PDE4D: variants seen among roughly 807,000 people sequenced by gnomAD.
The protein encoded by PDE4D is phosphodiesterase 4D.
PDE4D carries 24 observed loss-of-function variants against 87.4 expected under a neutral mutation model. The ratio of observed to expected loss-of-function variants is 0.27; its 90% CI spans 0.20 to 0.39. The LOEUF (loss-of-function observed/expected upper bound fraction) is 0.39, where lower values mean the gene tolerates loss of function less well. Ranked by LOEUF, PDE4D falls within the 10% of genes least tolerant of loss-of-function variation. The pLI is 1.00. For missense variants in PDE4D, 714 were observed against 1,041.0 expected, an observed-to-expected ratio of 0.69 and a Z score of 4.32; for synonymous variants, 384 against 383.2, an observed-to-expected ratio of 1.00 and a Z score of -0.02.
chr5:59,860,443 A>G (rs1042850117), intron 1 of PDE4D, among the ~76,000 whole-genome samples: 2 of 152,188 alleles, frequency 1.3e-5, no homozygotes, highest in Non-Finnish European at 2.9e-5. Context: ...TTTTCTAAAT[A>G]TATTATACAA....
intron 1 of PDE4D, among the ~76,000 whole-genome samples, chr5:60,189,187 T>C (rs1382673097): frequency 6.6e-6 from 1 of 152,138 alleles, no homozygotes; most frequent in African/African-American, 2.4e-5. Flanking sequence ...GGAGAACACT[T>C]TAGAAATAAA....
intron 2 of PDE4D, among the ~76,000 whole-genome samples, chr5:59,200,896 A>G (rs559071812): frequency 1.8e-4 from 28 of 152,134 alleles, no homozygotes; most frequent in Non-Finnish European, 3.5e-4. Context: ...TATGGACTAC[A>G]TACTTCCTTA....
At chr5:60,031,410 A>G (rs1272740226) in intron 2 of PDE4D, among the ~76,000 whole-genome samples, 1 of 152,372 alleles carries the variant, frequency 6.6e-6, no homozygotes, top group East Asian at 1.9e-4. Context: ...GAGTAAATCA[A>G]AACAAAAGCC....
chr5:59,846,905 T>C (rs904381626), intron 1 of PDE4D, among the ~76,000 whole-genome samples: 1 of 152,038 alleles, frequency 6.6e-6, no homozygotes, highest in Non-Finnish European at 1.5e-5. Flanking sequence ...ACTCCCTCGA[T>C]TTTTTAAAAA....
chr5:59,880,931 T>A (rs1365943588), intron 1 of PDE4D, among the ~76,000 whole-genome samples: 1 of 152,208 alleles, frequency 6.6e-6, no homozygotes, highest in Non-Finnish European at 1.5e-5. Flanking sequence ...TATAAAATAT[T>A]CCATGTCAAC....
intron 1 of PDE4D, among the ~76,000 whole-genome samples, chr5:59,232,951 T>G (rs559775049): frequency 2.4e-4 from 37 of 151,926 alleles, no homozygotes; most frequent in African/African-American, 8.0e-4. Flanking sequence ...GAAACACAAA[T>G]ATGGCATGTT....
At chr5:59,664,561 C>T (rs773462321) in intron 1 of PDE4D, among the ~76,000 whole-genome samples, 31 of 152,178 alleles carry the variant, frequency 2.0e-4, no homozygotes, top group Non-Finnish European at 4.3e-4. Context: ...AGGCAAATCC[C>T]AGACTCATTC....
At chr5:59,116,758 G>A (rs1183432269) in intron 5 of PDE4D, among the ~76,000 whole-genome samples, 2 of 152,172 alleles carry the variant, frequency 1.3e-5, no homozygotes, top group Non-Finnish European at 2.9e-5. Context: ...ATTGCAGGCA[G>A]AACAAGGAAT....
intron 6 of PDE4D, among the ~76,000 whole-genome samples, chr5:59,008,089 A>G (rs1751993973): frequency 6.6e-6 from 1 of 152,094 alleles, no homozygotes; most frequent in African/African-American, 2.4e-5. Flanking sequence ...CAATTTACCT[A>G]AAACCAGCAG....
intron 1 of PDE4D, among the ~76,000 whole-genome samples, chr5:60,218,354 G>A (rs978578679): frequency 6.6e-6 from 1 of 151,888 alleles, no homozygotes; most frequent in Non-Finnish European, 1.5e-5. Context: ...CTAAATGGAG[G>A]AAAATTAACT....
chr5:58,993,611 C>G, intron 6 of PDE4D, 146 bp from the exon 7 acceptor site: 1 of 534,958 alleles, frequency 1.9e-6, no homozygotes, highest in South Asian at 3.1e-5. Flanking sequence ...GCAGAACTTT[C>G]TTCAATGAGG....
intron 1 of PDE4D, among the ~76,000 whole-genome samples, chr5:59,798,510 G>T (rs1202448755): frequency 6.6e-6 from 1 of 152,094 alleles, no homozygotes; most frequent in African/African-American, 2.4e-5. Context: ...AGCACTAAAT[G>T]CCATTAAGTA....
At chr5:59,933,060 T>C (rs1756152359) in intron 3 of PDE4D, among the ~76,000 whole-genome samples, 1 of 152,160 alleles carries the variant, frequency 6.6e-6, no homozygotes, top group South Asian at 2.1e-4. Context: ...CCTGCACCAT[T>C]GCTTTGAAAT....
chr5:59,324,910 A>C (rs144636582), intron 1 of PDE4D, among the ~76,000 whole-genome samples: 3 of 152,194 alleles, frequency 2.0e-5, no homozygotes, highest in African/African-American at 7.2e-5. Context: ...TAAGAACTAA[A>C]GAAAACATCT....
chr5:59,293,162 A>G (rs1189455643), intron 1 of PDE4D, among the ~76,000 whole-genome samples: 1 of 152,214 alleles, frequency 6.6e-6, no homozygotes, highest in Non-Finnish European at 1.5e-5. Context: ...AGATTGCAAG[A>G]TGATGAGTCC....
At chr5:59,748,304 C>T (rs1201300426) in intron 1 of PDE4D, among the ~76,000 whole-genome samples, 2 of 152,110 alleles carry the variant, frequency 1.3e-5, no homozygotes, top group East Asian at 1.9e-4. Context: ...TTACTGGGTA[C>T]ATACCCAAAG....
intron 3 of PDE4D, among the ~76,000 whole-genome samples, chr5:59,973,117 A>C (rs1286616438): frequency 1.3e-5 from 2 of 152,182 alleles, no homozygotes; most frequent in Non-Finnish European, 2.9e-5. Flanking sequence ...TACATATAAA[A>C]TATTCCCAGT....
chr5:59,697,062 G>A (rs1311726382), intron 1 of PDE4D, among the ~76,000 whole-genome samples: 1 of 152,182 alleles, frequency 6.6e-6, no homozygotes, highest in Non-Finnish European at 1.5e-5. Flanking sequence ...TAGAAAGAGA[G>A]TAGTTTTGCT....
At chr5:59,129,294 G>A (rs544038876) in intron 5 of PDE4D, among the ~76,000 whole-genome samples, 1 of 152,270 alleles carries the variant, frequency 6.6e-6, no homozygotes, top group African/African-American at 2.4e-5. Flanking sequence ...TGTAGAGACA[G>A]CATCTCCCTA....
Sources: gnomAD v4.1 joint callset for allele counts (sites outside exome capture counted in the v4.1 genomes callset) on GRCh38, gnomAD v4.1.1 for gene constraint, MANE v1.5 for transcripts, NCBI Gene and HGNC (gene_info 2026-07-23, HGNC 2026-07-21) for gene names.